The following UNC5D variants were observed in gnomAD, a reference collection of about 807,000 sequenced individuals.
UNC5D encodes netrin receptor UNC5D.
A neutral mutation model predicts 105.4 loss-of-function variants in UNC5D; 39 were observed. That is an observed-to-expected ratio of 0.37 (90% confidence interval 0.29 to 0.48). The LOEUF (loss-of-function observed/expected upper bound fraction) is 0.48. Among genes scored for constraint, UNC5D ranks in the 20% least tolerant of loss-of-function variants. The probability of loss-of-function intolerance (pLI) is 0.98; values close to 1 mark genes in which losing one functional copy is unlikely to be tolerated. For missense variants in UNC5D, 991 were observed against 1,202.4 expected (o/e 0.82, Z 2.60); for synonymous variants, 452 against 450.4 (o/e 1.00, Z -0.04).
At chr8:35,370,966 G>C (rs960230623) in intron 1 of UNC5D, among the ~76,000 whole-genome samples, 1 of 152,194 alleles carries the variant, frequency 6.6e-6, no homozygotes, top group Non-Finnish European at 1.5e-5. Context: ...GCTTATACCT[G>C]TAATCTGAGC....
chr8:35,261,875 C>T (rs1030187435), intron 1 of UNC5D, among the ~76,000 whole-genome samples: 2 of 152,086 alleles, frequency 1.3e-5, no homozygotes, highest in African/African-American at 4.8e-5. Flanking sequence ...GCTGCTTTTT[C>T]GACTGTTTGA....
intron 1 of UNC5D, among the ~76,000 whole-genome samples, chr8:35,258,016 A>T (rs1156534336): frequency 6.6e-6 from 1 of 152,170 alleles, no homozygotes; most frequent in African/African-American, 2.4e-5. Flanking sequence ...AATGCCTTAG[A>T]CTTGGTAGTT....
intron 1 of UNC5D, among the ~76,000 whole-genome samples, chr8:35,374,291 T>A (rs1260584229): frequency 1.3e-5 from 2 of 152,116 alleles, no homozygotes; most frequent in Non-Finnish European, 2.9e-5. Context: ...AAGATGATGA[T>A]GTGATGTTAG....
At chr8:35,525,382 T>C in intron 1 of UNC5D, 1 of 1,612,240 alleles carries the variant, frequency 6.2e-7, no homozygotes, top group Admixed American at 1.7e-5. Flanking sequence ...TCTTGCCATT[T>C]ACAGTCTTTA....
chr8:35,248,885 A>T (rs1585409802), intron 1 of UNC5D, among the ~76,000 whole-genome samples: 1 of 94,234 alleles, frequency 1.1e-5, no homozygotes, highest in African/African-American at 4.4e-5. Flanking sequence ...TATATAATAT[A>T]TTATATAAAT....
chr8:35,393,259 G>A (rs1218091455), intron 1 of UNC5D, among the ~76,000 whole-genome samples: 4 of 143,744 alleles, frequency 2.8e-5, no homozygotes, highest in African/African-American at 5.1e-5. Context: ...TCAGCCTCCC[G>A]AGTAGCTGGG....
chr8:35,398,797 T>C (rs955898703), intron 1 of UNC5D, among the ~76,000 whole-genome samples: 2 of 152,216 alleles, frequency 1.3e-5, no homozygotes, highest in South Asian at 2.1e-4. Context: ...AAAATGGGCA[T>C]ACTTCAAATT....
Position 35,683,580 on chromosome 8 carries a change from T to C in UNC5D, c.604T>C (p.Ser202Pro), listed in dbSNP as rs2131339194. Residue 202 changes from serine (S) to proline (P), a missense_variant, in exon 5 of 17, where the codon TCT (serine) becomes CCT (proline). Physicochemically the swap from Ser to Pro is moderately conservative, Grantham distance 74. Transcript: ENST00000404895. ...EWLKNEEPIDSEQDENIDTRA... is the reference protein window; with the variant it reads ...EWLKNEEPIDPEQDENIDTRA... ...GCTGAAAAATGAAGAGCCCATTGAC[T>C]CTGAACAAGACGAGAACATTGACAC... is the stretch of plus-strand genomic sequence containing the variant. 1.3e-6 allele frequency: 2 copies of C among 1,573,420 alleles called. No individual in the cohort carries two copies. Among genetic ancestry groups the C allele is most frequent in the East Asian group, 2.4e-5 (1 of 42,110 alleles).
At chr8:35,731,142 T>C (rs765949533) in intron 11 of UNC5D, 46 bp downstream of exon 11, 141 of 1,576,504 alleles carry the variant, frequency 8.9e-5, no homozygotes, top group Non-Finnish European at 1.1e-4. Flanking sequence ...CTCACGCCTG[T>C]AATCCCAGTA....
chr8:35,272,311 G>T (rs1805464723), intron 1 of UNC5D, among the ~76,000 whole-genome samples: 1 of 152,124 alleles, frequency 6.6e-6, no homozygotes, highest in African/African-American at 2.4e-5. Context: ...CCTTGGTTGG[G>T]TTCCCCTGGG....
At chr8:35,433,847 CAA>C (rs35220872) in intron 1 of UNC5D, among the ~76,000 whole-genome samples, 2,199 of 86,500 alleles carry the variant, frequency 0.025, 59 homozygotes, top group African/African-American at 0.079. Context: ...GACCCTGTCT[CAA>C]AAAAAAAAAA....
At position 35,722,369 on chromosome 8, in the gene UNC5D, C is replaced by T. The variant is rs1164490456; in HGVS notation, c.1277C>T (p.Thr426Ile). The T allele has an allele frequency of 3.7e-6, 6 of 1,614,012 alleles. No individual in the cohort carries two copies. Among genetic ancestry groups the T allele is most frequent in the Admixed American group, 3.3e-5 (2 of 60,014 alleles). Residue 426 changes from threonine (T) to isoleucine (I), a missense_variant, in exon 9 of 17, where the codon ACC (threonine) becomes ATC (isoleucine). Physicochemically the swap from Thr to Ile is moderately conservative, Grantham distance 89 (BLOSUM62 -1). Around this residue, in one of 3 missense-constraint regions of UNC5D, gnomAD observed 944 missense variants for 1,131.6 expected, o/e 0.83. Transcript: ENST00000404895. ...DSSALTGGFQ[T>I]FNFKTVRQGN... ...TCTGCATTGACAGGTGGCTTCCAGA[C>T]CTTCAACTTCAAAACAGTCCGTCAA...
chr8:35,320,500 G>C (rs1399875795), intron 1 of UNC5D, among the ~76,000 whole-genome samples: 1 of 152,130 alleles, frequency 6.6e-6, no homozygotes, highest in Non-Finnish European at 1.5e-5. Flanking sequence ...GATCTCTACA[G>C]AATGTGGATT....
chr8:35,339,806 C>T (rs1811328032), intron 1 of UNC5D, among the ~76,000 whole-genome samples: 1 of 152,132 alleles, frequency 6.6e-6, no homozygotes, highest in Non-Finnish European at 1.5e-5. Context: ...TGTTCTAAAG[C>T]ACCATCTTGA....
chr8:35,367,354 T>C (rs1012308387), intron 1 of UNC5D, among the ~76,000 whole-genome samples: 6 of 152,204 alleles, frequency 3.9e-5, no homozygotes, highest in African/African-American at 1.4e-4. Flanking sequence ...TTTTTTCAAT[T>C]TATTATTTCC....
At chr8:35,512,632 T>A (rs886278469) in intron 1 of UNC5D, among the ~76,000 whole-genome samples, 31 of 143,842 alleles carry the variant, frequency 2.2e-4, no homozygotes, top group Non-Finnish European at 4.2e-4. Context: ...TCTGACATTC[T>A]TTGAAAACAG....
At chr8:35,572,804 C>CTTTT (rs34528421) in intron 3 of UNC5D, among the ~76,000 whole-genome samples, 2 of 135,868 alleles carry the variant, frequency 1.5e-5, no homozygotes, top group African/African-American at 5.5e-5. Flanking sequence ...TTTTATATTT[C>CTTTT]TTTTTTTTTT....
At chr8:35,663,368 A>G (rs1029412279) in intron 4 of UNC5D, among the ~76,000 whole-genome samples, 2 of 152,218 alleles carry the variant, frequency 1.3e-5, no homozygotes, top group African/African-American at 2.4e-5. Flanking sequence ...AAAGATTCGA[A>G]CAGCTCACAT....
intron 1 of UNC5D, among the ~76,000 whole-genome samples, chr8:35,375,259 A>C (rs2128928085): frequency 6.6e-6 from 1 of 152,358 alleles, no homozygotes. Flanking sequence ...GGAATCACAA[A>C]GTAATTGAAC....
Sources: gnomAD v4.1 joint callset for allele counts (sites outside exome capture counted in the v4.1 genomes callset) on GRCh38, gnomAD v4.1.1 for gene constraint, gnomAD v4.1.1 regional missense constraint, MANE v1.5 for transcripts, NCBI Gene and HGNC (gene_info 2026-07-23, HGNC 2026-07-21) for gene names.